IFT140: variants seen among roughly 807,000 people sequenced by gnomAD.
The protein encoded by IFT140 is intraflagellar transport protein 140 homolog.
Under a neutral mutation model 164.6 loss-of-function variants are expected in IFT140, and 133 were observed. The ratio of observed to expected loss-of-function variants is 0.81; its 90% CI spans 0.70 to 0.93. The LOEUF (loss-of-function observed/expected upper bound fraction) is 0.93, where lower values mean the gene tolerates loss of function less well. IFT140 is among the 40% of genes least tolerant of loss of function. IFT140 has a pLI of 0.00. For missense variants in IFT140, 2,045 were observed against 1,972.3 expected (o/e 1.04, Z -0.70); for synonymous variants, 860 against 817.3 (o/e 1.05, Z -0.89).
chr16:1,524,690 C>A lies in IFT140; in HGVS notation c.3003G>T (p.Ala1001=), dbSNP rs151293332. The change falls in exon 24 of 31, where the codon GCG becomes GCT. Residue 1001 remains alanine, a synonymous_variant. Coordinates refer to ENST00000426508, the MANE Select transcript of IFT140 (RefSeq NM_014714.4). The stretch of plus-strand genomic sequence containing the variant: ...GGTTTCCTGTCTCGTTGGCTATTTG[C>A]GCAGCCTAGAAAGACAAAGAACCCA... The part of the protein sequence containing the change: ...HCFQGNVQKA[A]QIANETGNLA... 18 of 1,573,880 alleles carry A rather than the reference C, an allele frequency of 1.1e-5. No homozygotes were observed. The African/African-American group carries it at 2.2e-4, about 19-fold the overall frequency.
intron 3 of IFT140, among the ~76,000 whole-genome samples, chr16:1,603,551 C>G (rs1229019250): frequency 6.6e-6 from 1 of 151,790 alleles, no homozygotes; most frequent in East Asian, 1.9e-4. Flanking sequence ...GTGGCATGAT[C>G]TGAGCTCACC....
chr16:1,544,138 C>T (rs2031920972), intron 19 of IFT140, among the ~76,000 whole-genome samples: 1 of 151,586 alleles, frequency 6.6e-6, no homozygotes, highest in Non-Finnish European at 1.5e-5. Context: ...CTGCCTCAGC[C>T]TCCCGTGTAG....
chr16:1,539,497 T>C (rs928230391), intron 19 of IFT140, among the ~76,000 whole-genome samples: 12 of 152,364 alleles, frequency 7.9e-5, no homozygotes, highest in African/African-American at 2.9e-4. Flanking sequence ...CTGAGCCAGG[T>C]CCTCACCTGC....
rs201049966 is a variant in IFT140 at position 1,566,232 on chromosome 16, G to A, written c.1830C>T (p.Thr610=). The change falls in exon 16 of 31, where the codon ACC becomes ACT. Residue 610 remains threonine (T), a synonymous_variant. Transcript: ENST00000426508. ...CFYDVEMDTV[T]VFDFKTGQID... is the part of the protein sequence containing the mutation. ...TTTGTCCAGTCTTGAAGTCAAAGAC[G>A]GTCACTGTGTCCATTTCAACATCGT... 23 of 1,613,394 alleles carry A rather than the reference G, an allele frequency of 1.4e-5. No individual in the cohort carries two copies. The highest frequency in any genetic ancestry group is 8.8e-5 in the South Asian group (8 of 91,048).
chr16:1,603,260 G>T (rs189596779), intron 3 of IFT140, among the ~76,000 whole-genome samples: 1 of 152,138 alleles, frequency 6.6e-6, no homozygotes, highest in Admixed American at 6.5e-5. Context: ...AACCACCAGC[G>T]AGCCAGCAGG....
chr16:1,562,205 C>A, intron 17 of IFT140, 89 bp from the exon 18 acceptor site: 1 of 1,182,254 alleles, frequency 8.5e-7, no homozygotes, highest in South Asian at 1.8e-5. Flanking sequence ...ACACACACTG[C>A]GTCACGGTGG....
intron 4 of IFT140, 28 bp downstream of exon 4, chr16:1,602,342 A>C (rs774325290): frequency 1.1e-5 from 17 of 1,598,718 alleles, no homozygotes; most frequent in Middle Eastern, 1.6e-4. Flanking sequence ...CAAGGTCTGA[A>C]AACAGCGTCT....
In IFT140 at chr16:1,562,011, C is replaced by A. The variant is rs2033436470; in HGVS notation, c.2173G>T (p.Val725Leu). The A allele has an allele frequency of 6.2e-7, 1 of 1,609,828 alleles. No homozygotes were observed. The highest frequency in any genetic ancestry group is 8.5e-7 in the Non-Finnish European group (1 of 1,178,276). Residue 725 changes from valine (V) to leucine (L), a missense_variant, in exon 18 of 31, where the codon GTG becomes TTG. Coordinates refer to ENST00000426508, the MANE Select transcript of IFT140 (RefSeq NM_014714.4). The stretch of plus-strand genomic sequence containing the variant: ...TTTCTTGTGAAGTAGTAATAAGGCA[C>A]TTCCATCCCCAGGAGACTGTGGGAG... Reference protein sequence around the residue: ...ATSHSLLGMEVPYYYFTRKPE... With the variant: ...ATSHSLLGMELPYYYFTRKPE...
chr16:1,524,608 C>T lies in IFT140; in HGVS notation c.3085G>A (p.Ala1029Thr), dbSNP rs1174092902. 6.2e-7 allele frequency: 1 copy of T among 1,605,490 alleles called. No individual in the cohort carries two copies. Among genetic ancestry groups the T allele is most frequent in the Non-Finnish European group, 8.5e-7 (1 of 1,174,262 alleles). Residue 1029 changes from alanine to threonine, a missense_variant, in exon 24 of 31, where the codon GCG (alanine) becomes ACG (threonine). Ala to Thr is a moderately conservative substitution (Grantham distance 58). Transcript: ENST00000426508. ...TGTGCCCGGGTGTAGAAGTGCACCG[C>T]CTGCCCGACCTCCTCCTGGCTCTCG... is the stretch of plus-strand genomic sequence containing the variant. ...QYESQEEVGQ[A>T]VHFYTRAQAF...
chr16:1,517,096 C>T (rs988133840), intron 30 of IFT140, among the ~76,000 whole-genome samples: 17 of 151,790 alleles, frequency 1.1e-4, no homozygotes, highest in Non-Finnish European at 1.5e-4. Context: ...TTCGGCCAGG[C>T]GCGGTGGCTC....
chr16:1,558,942 C>T lies in IFT140; in HGVS notation c.2200-808G>A, dbSNP rs1398944804. ...CACTGCTCCTGCAGAAACTGACTTG[C>T]GGCCCCGGTGAGTAGGCCTCATGGG... On this transcript the variant is annotated intron_variant, in intron 18 of 30. Transcript: ENST00000426508. Among the ~76,000 whole-genome samples the T allele has an allele frequency of 3.9e-5, 6 of 152,370 alleles. No individual in the cohort carries two copies. In the South Asian group the frequency reaches 1.0e-3, roughly 26 times the overall value.
In IFT140 at chr16:1,531,001, G is replaced by C. The variant is rs889071399; in HGVS notation, c.2400-4205C>G. ...GGGCGGTCACAGACCCGCCAGAAGC[G>C]TCCAGACCCAGGCGCTCTCTGCAAG... On this transcript the variant is annotated intron_variant, in intron 19 of 30. Transcript: ENST00000426508. The surrounding 1 kb of genome is among the most constrained non-coding windows in gnomAD (Gnocchi z 4.7). 15 of 152,292 alleles carry C rather than the reference G, an allele frequency of 9.8e-5. No homozygotes were observed. Among genetic ancestry groups the C allele is most frequent in the African/African-American group, 3.6e-4 (15 of 41,456 alleles). 9.4% of individuals were successfully genotyped at this position (152,292 alleles called of 1,614,324 possible).
intron 29 of IFT140, among the ~76,000 whole-genome samples, chr16:1,518,641 A>C (rs141016172): frequency 6.6e-6 from 1 of 152,094 alleles, no homozygotes; most frequent in African/African-American, 2.4e-5. Flanking sequence ...AGGGGGCTAG[A>C]AACCTCTGCA....
chr16:1,591,491 A>G (rs1026313117), intron 6 of IFT140, among the ~76,000 whole-genome samples: 1 of 152,220 alleles, frequency 6.6e-6, no homozygotes, highest in African/African-American at 2.4e-5. Context: ...AACCGATAGC[A>G]AAAGCCTCCT....
chr16:1,534,571 T>C lies in IFT140; in HGVS notation c.2400-7775A>G, dbSNP rs759836186. On this transcript the variant is annotated intron_variant, in intron 19 of 30. Coordinates refer to ENST00000426508, the MANE Select transcript of IFT140 (RefSeq NM_014714.4). ...ACCGTCAAACGTAAGTCCAATTGTT[T>C]TCCTGATGCCTTCAGCGTGGCCGAG... 19 of 1,599,502 alleles carry C rather than the reference T, an allele frequency of 1.2e-5. No homozygotes were observed. The East Asian group carries it at 4.0e-4, about 34-fold the overall frequency.
chr16:1,585,776 T>TC (rs2034839434), intron 10 of IFT140, among the ~76,000 whole-genome samples: 1 of 146,332 alleles, frequency 6.8e-6, no homozygotes, highest in Admixed American at 6.8e-5. Flanking sequence ...CTTTTTTTTT[T>TC]TTTTTTTTTT....
chr16:1,515,070 G>T (rs935083783), intron 30 of IFT140, among the ~76,000 whole-genome samples: 1 of 152,028 alleles, frequency 6.6e-6, no homozygotes, highest in Non-Finnish European at 1.5e-5. Context: ...AGAAAATAAT[G>T]AGCAGTAATC....
Position 1,526,743 on chromosome 16 carries a change from T to C in IFT140, c.2453A>G (p.Asp818Gly). The change falls in exon 20 of 31, where the codon GAC becomes GGC. Residue 818 changes from aspartate (D) to glycine (G), a missense_variant. By Grantham distance (94) the Asp-to-Gly change is moderately conservative. Coordinates refer to ENST00000426508, the MANE Select transcript of IFT140 (RefSeq NM_014714.4). ...ARMCVKTQRL[D>G]VAKVCLGNMG... ...GTTCCCCAGGCACACCTTGGCCACG[T>C]CCAGCCGCTGGGTCTTCACGCACAT... 6.2e-7 allele frequency: 1 copy of C among 1,609,982 alleles called. No individual in the cohort carries two copies.
intron 2 of IFT140, among the ~76,000 whole-genome samples, chr16:1,607,592 C>G (rs1022182994): frequency 6.6e-6 from 1 of 152,216 alleles, no homozygotes; most frequent in Non-Finnish European, 1.5e-5. Context: ...ACTACACACG[C>G]AATCCTCAGT....
Sources: allele counts gnomAD v4.1 joint callset (sites outside exome capture counted in the v4.1 genomes callset), GRCh38; gene constraint gnomAD v4.1.1; non-coding constraint Gnocchi (gnomAD v3.1); transcripts MANE v1.5; gene names NCBI Gene and HGNC (gene_info 2026-07-23, HGNC 2026-07-21).